ONECUT2: variants seen among roughly 807,000 people sequenced by gnomAD.
The protein encoded by ONECUT2 is one cut domain family member 2.
In ONECUT2, 10 loss-of-function variants were observed where a neutral mutation model predicts 27.9. The ratio of observed to expected loss-of-function variants is 0.36; its 90% CI spans 0.22 to 0.61. The LOEUF (loss-of-function observed/expected upper bound fraction) is 0.61, where lower values mean the gene tolerates loss of function less well. Among genes scored for constraint, ONECUT2 ranks in the 20% least tolerant of loss-of-function variants. The pLI is 0.73. For missense variants in ONECUT2, 686 were observed against 721.0 expected (o/e 0.95, Z 0.56); for synonymous variants, 334 against 315.1 (o/e 1.06, Z -0.64).
At chr18:57,444,561 C>A (rs562304748) in intron 1 of ONECUT2, 4 of 403,222 alleles carry the variant, frequency 9.9e-6, no homozygotes, top group Non-Finnish European at 2.0e-5. Context: ...GTCCCCACCC[C>A]CCAGGGTGAG....
rs2050449534 is a variant in ONECUT2, at chr18:57,488,552, T to A, written c.*11829T>A. The stretch of plus-strand genomic sequence containing the variant: ...CTTATGAAACCCAAGGTATATTTTG[T>A]TATGCCATTTTATGTCCTTTTCTTT... On this transcript the variant is annotated 3_prime_UTR_variant, in exon 2 of 2. Coordinates refer to ENST00000491143, the MANE Select transcript of ONECUT2 (RefSeq NM_004852.3). The A allele has an allele frequency of 6.6e-6, 1 of 152,670 alleles. No individual in the cohort carries two copies. The highest frequency in any genetic ancestry group is 2.1e-4 in the South Asian group (1 of 4,832). The allele number at this position is 152,670 out of a possible 1,614,324, so 9.5% of individuals were successfully genotyped here. A position where few individuals can be genotyped will look rare whatever the true frequency, so the allele number is the denominator to read the frequency against.
intron 1 of ONECUT2, among the ~76,000 whole-genome samples, chr18:57,456,452 T>C (rs1470980279): frequency 2.6e-5 from 4 of 152,210 alleles, no homozygotes; most frequent in African/African-American, 9.6e-5. Context: ...GAATGAGTCT[T>C]GAGGATATTA....
intron 1 of ONECUT2, among the ~76,000 whole-genome samples, chr18:57,458,080 C>G (rs969190648): frequency 6.6e-6 from 1 of 152,014 alleles, no homozygotes; most frequent in African/African-American, 2.4e-5. Context: ...ATGCAACAAA[C>G]CTGCACGTTG....
chr18:57,440,934 C>T (rs1159855004), intron 1 of ONECUT2, among the ~76,000 whole-genome samples: 4 of 152,216 alleles, frequency 2.6e-5, no homozygotes, highest in African/African-American at 9.6e-5. Context: ...TGTTTGCCTG[C>T]TAGCTGCTTG....
chr18:57,436,348 A>G lies in ONECUT2; in HGVS notation c.632A>G (p.Tyr211Cys). 1.9e-6 allele frequency: 3 copies of G among 1,605,920 alleles called. No individual in the cohort carries two copies. The highest frequency in any genetic ancestry group is 1.7e-6 in the Non-Finnish European group (2 of 1,179,804). The change falls in exon 1 of 2, where the codon TAC becomes TGC. Residue 211 changes from tyrosine to cysteine, a missense_variant. By Grantham distance (194) the Tyr-to-Cys change is radical (BLOSUM62 -2). Around this residue, in one of 4 missense-constraint regions of ONECUT2, gnomAD observed 511 missense variants for 488.1 expected, o/e 1.05. Transcript: ENST00000491143. The surrounding 1 kb of genome is among the most constrained non-coding windows in gnomAD (Gnocchi z 5.9). Reference sequence around the variant, plus strand: ...GGGCTCCCGGCCATGAACAACCTCTACAGTCCCTACAAGGAGATGCCCGGC... The same window carrying G: ...GGGCTCCCGGCCATGAACAACCTCTGCAGTCCCTACAAGGAGATGCCCGGC... ...ERGLPAMNNL[Y>C]SPYKEMPGMS...
chr18:57,443,688 T>A (rs568022246), intron 1 of ONECUT2, among the ~76,000 whole-genome samples: 1 of 152,250 alleles, frequency 6.6e-6, no homozygotes, highest in South Asian at 2.1e-4. Context: ...ACCCAGCCCA[T>A]CTAATGCCTG....
At chr18:57,456,923 A>G (rs2050262528) in intron 1 of ONECUT2, among the ~76,000 whole-genome samples, 2 of 152,172 alleles carry the variant, frequency 1.3e-5, no homozygotes, top group African/African-American at 2.4e-5. Flanking sequence ...GTAGTGCCCC[A>G]GGCCCATCAA....
Position 57,436,300 on chromosome 18 carries a change from T to G in ONECUT2, c.584T>G (p.Phe195Cys), listed in dbSNP as rs766949151. The G allele has an allele frequency of 4.4e-6, 7 of 1,604,110 alleles. No individual in the cohort carries two copies. In the South Asian group the frequency reaches 7.7e-5, roughly 18 times the overall value. ...CTGTCCGGCAACGTCAGCGGCAGCT[T>G]CACCCTCATGCGCGACGAGCGCGGG... Reference protein sequence around the residue: ...QRLSGNVSGSFTLMRDERGLP... With the variant: ...QRLSGNVSGSCTLMRDERGLP... The change falls in exon 1 of 2, where the codon TTC (phenylalanine) becomes TGC (cysteine). Residue 195 changes from phenylalanine (F) to cysteine (C), a missense_variant. Around this residue, in one of 4 missense-constraint regions of ONECUT2, gnomAD observed 511 missense variants for 488.1 expected, o/e 1.05. Transcript: ENST00000491143. This position sits in a 1 kb window ranked among gnomAD's most constrained non-coding sequence, Gnocchi z 5.9.
At chr18:57,466,134 G>A (rs898424750) in intron 1 of ONECUT2, among the ~76,000 whole-genome samples, 1 of 152,154 alleles carries the variant, frequency 6.6e-6, no homozygotes, top group Non-Finnish European at 1.5e-5. Context: ...TTTTCTGAGA[G>A]TTGCAGTTCT....
chr18:57,472,167 C>T (rs1467533503), intron 1 of ONECUT2, among the ~76,000 whole-genome samples: 1 of 152,200 alleles, frequency 6.6e-6, no homozygotes, highest in Non-Finnish European at 1.5e-5. Context: ...GGGTTTCTAT[C>T]GCATCCTTGG....
In ONECUT2 at chr18:57,488,922, C is replaced by G. The variant is rs2050451061; in HGVS notation, c.*12199C>G. On this transcript the variant is annotated 3_prime_UTR_variant, in exon 2 of 2. Transcript: ENST00000491143. ...ACTCTCTCTGGACTCCAACACTTCC[C>G]TGCAATCCTTTGGTCTTGAGCATGT... 6.6e-6 allele frequency: 1 copy of G among 152,348 alleles called. No homozygotes were observed. Among genetic ancestry groups the G allele is most frequent in the Non-Finnish European group, 1.5e-5 (1 of 68,122 alleles). 9.4% of individuals were successfully genotyped at this position (152,348 alleles called of 1,614,324 possible).
At chr18:57,466,071 C>T (rs2050319528) in intron 1 of ONECUT2, among the ~76,000 whole-genome samples, 1 of 152,150 alleles carries the variant, frequency 6.6e-6, no homozygotes, top group South Asian at 2.1e-4. Context: ...CCTTGGTGTC[C>T]CTCCTCCACC....
At chr18:57,440,767 C>T (rs2050169623) in intron 1 of ONECUT2, among the ~76,000 whole-genome samples, 1 of 152,188 alleles carries the variant, frequency 6.6e-6, no homozygotes, top group South Asian at 2.1e-4. Flanking sequence ...GCCGAGGAAA[C>T]GGACCCCCTT....
Position 57,479,311 on chromosome 18 carries a change from G to T in ONECUT2, c.*2588G>T, listed in dbSNP as rs1485586024. 1 of 152,392 alleles carries T rather than the reference G, an allele frequency of 6.6e-6. No homozygotes were observed. The highest frequency in any genetic ancestry group is 1.5e-5 in the Non-Finnish European group (1 of 68,028). 9.4% of individuals were successfully genotyped at this position (152,392 alleles called of 1,614,324 possible). A position where few individuals can be genotyped will look rare whatever the true frequency, so the allele number is the denominator to read the frequency against. ...TTTTCTATTAGCTTTTTAAAAATCA[G>T]CTGTAAAGTTGCATTTCTAAAGAAA... is the stretch of plus-strand genomic sequence containing the variant. On this transcript the variant is annotated 3_prime_UTR_variant, in exon 2 of 2. Coordinates refer to ENST00000491143, the MANE Select transcript of ONECUT2 (RefSeq NM_004852.3).
chr18:57,447,136 A>G (rs1598932503), intron 1 of ONECUT2, among the ~76,000 whole-genome samples: 4 of 152,382 alleles, frequency 2.6e-5, no homozygotes, highest in Admixed American at 2.6e-4. Context: ...CCAGTGAGCT[A>G]GACTTCGAGC....
intron 1 of ONECUT2, among the ~76,000 whole-genome samples, chr18:57,475,791 A>G (rs2122152796): frequency 6.6e-6 from 1 of 152,330 alleles, no homozygotes; most frequent in Admixed American, 6.5e-5. Flanking sequence ...CAAACTAGCC[A>G]AATGAGAATT....
rs569856000 is a variant in ONECUT2, at chr18:57,490,725, C to T, written c.*14002C>T. The T allele has an allele frequency of 3.3e-5, 5 of 152,228 alleles. No individual in the cohort carries two copies. The highest frequency in any genetic ancestry group is 3.4e-3 in the Middle Eastern group (1 of 294). 9.4% of individuals were successfully genotyped at this position (152,228 alleles called of 1,614,324 possible). ...ACAAGAGATCAGAGAGTCACATATA[C>T]GCCTCTTGTTTTATTTTCTTGCTTT... On this transcript the variant is annotated 3_prime_UTR_variant, in exon 2 of 2. Coordinates refer to ENST00000491143, the MANE Select transcript of ONECUT2 (RefSeq NM_004852.3).
intron 1 of ONECUT2, among the ~76,000 whole-genome samples, chr18:57,455,463 T>C (rs757989239): frequency 4.6e-5 from 7 of 152,216 alleles, no homozygotes; most frequent in Non-Finnish European, 8.8e-5. Context: ...GCCATATTAT[T>C]TCATATTCAT....
chr18:57,435,701 G>GCCCCCGCC lies in ONECUT2; in HGVS notation c.-16_-15insCCCCCGCC. ...GCCCCCGCCGCCCCCGCCGCCCCCG[G>GCCCCCGCC]GCCCTGATGGACTGAATGAAGGCTG... On this transcript the variant is annotated 5_prime_UTR_variant, in exon 1 of 2. Coordinates refer to ENST00000491143, the MANE Select transcript of ONECUT2 (RefSeq NM_004852.3). The GCCCCCGCC allele has an allele frequency of 9.4e-7, 1 of 1,069,012 alleles. No homozygotes were observed. Among genetic ancestry groups the GCCCCCGCC allele is most frequent in the South Asian group, 2.5e-5 (1 of 40,784 alleles). 66.2% of individuals were successfully genotyped at this position (1,069,012 alleles called of 1,614,324 possible).
Sources: allele counts gnomAD v4.1 joint callset (sites outside exome capture counted in the v4.1 genomes callset), GRCh38; gene constraint gnomAD v4.1.1; regional missense constraint gnomAD v4.1.1; non-coding constraint Gnocchi (gnomAD v3.1); transcripts MANE v1.5; gene names NCBI Gene and HGNC (gene_info 2026-07-23, HGNC 2026-07-21).